Variants in ZNF676 observed in about 807,000 individuals in gnomAD.
The protein encoded by ZNF676 is zinc finger protein 676.
ZNF676 carries 4 observed loss-of-function variants against 6.0 expected under a neutral mutation model. That is an observed-to-expected ratio of 0.67 (90% CI 0.33 to 1.53). The LOEUF is 1.53. Ranked by LOEUF, ZNF676 falls within the 40% of genes most tolerant of loss-of-function variation. The pLI is 0.06. For missense variants in ZNF676, 644 were observed against 679.7 expected, an observed-to-expected ratio of 0.95 and a Z score of 0.58; for synonymous variants, 198 against 223.1, an observed-to-expected ratio of 0.89 and a Z score of 1.00.
chr19:22,240,695 A>G, the ZNF676 span, among the ~76,000 whole-genome samples: 3 of 151,982 alleles, frequency 2.0e-5, no homozygotes, highest in African/African-American at 7.3e-5. Context: ...CAGGAGACTG[A>G]GACAGAAGAA....
chr19:22,244,808 T>A, the ZNF676 span: 1 of 152,246 alleles, frequency 6.6e-6, no homozygotes, highest in Non-Finnish European at 1.5e-5. Flanking sequence ...GCTTATTAAG[T>A]AGCCTCTGAT....
chr19:22,213,332 C>A (rs2024149521), intron 1 of ZNF676, among the ~76,000 whole-genome samples: 1 of 152,142 alleles, frequency 6.6e-6, no homozygotes, highest in African/African-American at 2.4e-5. Context: ...TAGGAGAATC[C>A]AGAGGCAAAA....
At chr19:22,221,139 C>G in the ZNF676 span, among the ~76,000 whole-genome samples, 7 of 150,680 alleles carry the variant, frequency 4.6e-5, no homozygotes, top group South Asian at 1.5e-3. Flanking sequence ...TCTTGTTTCT[C>G]TTGTTCCTTG....
At chr19:22,231,841 C>A in the ZNF676 span, among the ~76,000 whole-genome samples, 1 of 151,962 alleles carries the variant, frequency 6.6e-6, no homozygotes, top group Non-Finnish European at 1.5e-5. Flanking sequence ...ACCTTGTGAT[C>A]CACCCGCCTC....
At chr19:22,184,826 G>GAAAAAAAAAAAAAA (rs144833243) in intron 2 of ZNF676, among the ~76,000 whole-genome samples, 9 of 52,690 alleles carry the variant, frequency 1.7e-4, no homozygotes, top group African/African-American at 6.4e-4. Flanking sequence ...GGGCATCTTT[G>GAAAAAAAAAAAAAA]AAAAAAAAAA....
At chr19:22,227,535 A>G in the ZNF676 span, among the ~76,000 whole-genome samples, 1 of 152,192 alleles carries the variant, frequency 6.6e-6, no homozygotes. Context: ...GGAGATAGAG[A>G]CACAAAACAC....
At chr19:22,181,624 T>TA in intron 2 of ZNF676, 38 bp from the exon 3 acceptor site, 1 of 1,426,296 alleles carries the variant, frequency 7.0e-7, no homozygotes, top group Non-Finnish European at 9.3e-7. Context: ...ATCTACATAT[T>TA]AGACTCAGAT....
rs1555773385 is a variant in ZNF676, at chr19:22,182,593, A to AAAAAAACAAAAAAAAC, written c.131-1008_131-1007insGTTTTTTTTGTTTTTT. ...TGATATAGTCAAAGTTCTAAAAAAA[A>AAAAAAACAAAAAAAAC]AAAAAAAAAGCAAACAAAAAAAAGA... is the stretch of plus-strand genomic sequence containing the variant. On this transcript the variant is annotated intron_variant, in intron 2 of 2. Coordinates refer to ENST00000397121, the MANE Select transcript of ZNF676 (RefSeq NM_001001411.3). 1.4e-3 allele frequency among the ~76,000 whole-genome samples: 127 copies of AAAAAAACAAAAAAAAC among 90,952 alleles called. 2 individuals are homozygous for AAAAAAACAAAAAAAAC. Among genetic ancestry groups the AAAAAAACAAAAAAAAC allele is most frequent in the Non-Finnish European group, 2.2e-3 (105 of 47,736 alleles). 59.7% of individuals were successfully genotyped at this position (90,952 alleles called of 152,430 possible).
Position 22,205,102 on chromosome 19 carries a change from G to A in ZNF676, c.4-8376C>T, listed in dbSNP as rs533727991. ...GTGCACTTAAAAGAATGTTTATGGG[G>A]GGAAAAGCAGAAGAGAGAAAATTGT... On this transcript the variant is annotated intron_variant, in intron 1 of 3. Coordinates refer to the ZNF676 transcript ENST00000650058. Among the ~76,000 whole-genome samples, 32 of 152,080 alleles carry A rather than the reference G, an allele frequency of 2.1e-4. 1 individual carries two copies. The highest frequency in any genetic ancestry group is 3.4e-4 in the Non-Finnish European group (23 of 67,966).
upstream of ZNF676, among the ~76,000 whole-genome samples, chr19:22,199,414 A>T (rs1052040832): frequency 6.6e-6 from 1 of 152,218 alleles, no homozygotes; most frequent in Non-Finnish European, 1.5e-5. Context: ...TGAGTAAGTC[A>T]GCATTTGGAA....
chr19:22,243,459 T>A, the ZNF676 span: 2 of 151,984 alleles, frequency 1.3e-5, no homozygotes, highest in Non-Finnish European at 2.9e-5. Flanking sequence ...AAACACAAAG[T>A]TGACTGGTGC....
the ZNF676 span, among the ~76,000 whole-genome samples, chr19:22,235,073 T>G: frequency 1.8e-4 from 20 of 108,302 alleles, no homozygotes; most frequent in Admixed American, 2.8e-4. Context: ...AAGAAGGAAG[T>G]CAGGAAGGCA....
chr19:22,208,885 G>C (rs554337380), intron 1 of ZNF676, among the ~76,000 whole-genome samples: 1 of 152,126 alleles, frequency 6.6e-6, no homozygotes, highest in African/African-American at 2.4e-5. Flanking sequence ...GAGTTTCAGC[G>C]AGCCAAGATC....
chr19:22,235,387 T>C, the ZNF676 span, among the ~76,000 whole-genome samples: 2 of 152,144 alleles, frequency 1.3e-5, no homozygotes, highest in Non-Finnish European at 2.9e-5. Context: ...ACTCAATAAA[T>C]GGGCCAGAGT....
chr19:22,245,503 T>A, the ZNF676 span, among the ~76,000 whole-genome samples: 1 of 3,438 alleles, frequency 2.9e-4, no homozygotes, highest in Non-Finnish European at 2.6e-3. Context: ...TATGTCACAA[T>A]GCCCCCCCCC....
At chr19:22,234,219 A>T in the ZNF676 span, among the ~76,000 whole-genome samples, 1 of 152,204 alleles carries the variant, frequency 6.6e-6, no homozygotes, top group Non-Finnish European at 1.5e-5. Flanking sequence ...TGGTGCCTTC[A>T]TATTATACAG....
intron 1 of ZNF676, among the ~76,000 whole-genome samples, chr19:22,208,761 TG>T (rs2024100800): frequency 6.6e-6 from 1 of 152,016 alleles, no homozygotes; most frequent in African/African-American, 2.4e-5. Context: ...ATGGACAACA[TG>T]GCAAAATCCC....
At chr19:22,253,421 AATG>A in the ZNF676 span, among the ~76,000 whole-genome samples, 39 of 54,972 alleles carry the variant, frequency 7.1e-4, no homozygotes, top group South Asian at 2.8e-3. Context: ...TATATATGAT[AATG>A]TATATATATA....
In ZNF676 at chr19:22,180,479, C is replaced by A. The variant is rs1248864116; in HGVS notation, c.1238G>T (p.Arg413Ile). The A allele has an allele frequency of 1.9e-6, 3 of 1,603,488 alleles. No individual in the cohort carries two copies. Among genetic ancestry groups the A allele is most frequent in the South Asian group, 2.2e-5 (2 of 90,526 alleles). Residue 413 changes from arginine to isoleucine, a missense_variant, in exon 3 of 3, where the codon AGA becomes ATA. Arg to Ile is a moderately conservative substitution (Grantham distance 97). This residue lies in a region of ZNF676 where 306 missense variants were observed against 265.4 expected (regional missense o/e 1.15). Transcript: ENST00000397121. ...NSSSKLMEHK[R>I]IHTGEKPYKC... Reference sequence around the variant, plus strand: ...GTAGGGTTTCTCTCCAGTATGAATTCTCTTATGTTCCATGAGCTTTGAGGA... The same window carrying A: ...GTAGGGTTTCTCTCCAGTATGAATTATCTTATGTTCCATGAGCTTTGAGGA...
Sources: allele counts gnomAD v4.1 joint callset (sites outside exome capture counted in the v4.1 genomes callset), GRCh38; gene constraint gnomAD v4.1.1; regional missense constraint gnomAD v4.1.1; transcripts MANE v1.5; gene names NCBI Gene and HGNC (gene_info 2026-07-23, HGNC 2026-07-21).